OTOGL: variants seen among roughly 807,000 people sequenced by gnomAD.
The protein encoded by OTOGL is otogelin-like protein.
Under a neutral mutation model 318.5 loss-of-function variants are expected in OTOGL, and 285 were observed. The ratio of observed to expected loss-of-function variants is 0.89; its 90% confidence interval spans 0.81 to 0.99. The LOEUF (loss-of-function observed/expected upper bound fraction) is 0.99, where lower values mean the gene tolerates loss of function less well. OTOGL is among the 50% of genes least tolerant of loss of function. The pLI, the probability that OTOGL is intolerant of heterozygous loss-of-function variation, is 0.00. For missense variants in OTOGL, 2,899 were observed against 2,845.6 expected (o/e 1.02, Z -0.43); for synonymous variants, 987 against 936.5 (o/e 1.05, Z -0.99).
intron 1 of OTOGL, among the ~76,000 whole-genome samples, chr12:80,135,788 G>A (rs1484154075): frequency 1.3e-5 from 2 of 152,202 alleles, no homozygotes; most frequent in African/African-American, 4.8e-5. Context: ...GTAAACTTAA[G>A]TAAAGCAGAT....
chr12:80,373,456 CAAACAAACAAACAAACTG>C (rs1891004704), intron 57 of OTOGL, among the ~76,000 whole-genome samples: 1 of 150,832 alleles, frequency 6.6e-6, no homozygotes, highest in Non-Finnish European at 1.5e-5. Flanking sequence ...AACAAACAAA[CAAACAAACAAACAAACTG>C]TGGTATAGGG....
chr12:80,241,461 TTG>T (rs1880371995), intron 11 of OTOGL, among the ~76,000 whole-genome samples: 1 of 151,740 alleles, frequency 6.6e-6, no homozygotes. Context: ...CTCTTTGTTG[TTG>T]TTTTTTTTCT....
At chr12:80,221,396 C>T (rs1380545335) in intron 6 of OTOGL, among the ~76,000 whole-genome samples, 7 of 151,812 alleles carry the variant, frequency 4.6e-5, no homozygotes, top group African/African-American at 1.7e-4. Context: ...TCCTGGGTAG[C>T]TGGGATTACA....
chr12:80,262,974 G>A (rs1047826401), intron 19 of OTOGL, among the ~76,000 whole-genome samples: 5 of 152,192 alleles, frequency 3.3e-5, no homozygotes, highest in Admixed American at 1.3e-4. Context: ...CGGATCATGC[G>A]GTGGTTGTTG....
At chr12:80,209,561 CTT>C (rs1877082127) in intron 2 of OTOGL, 51 bp downstream of exon 2, 1 of 1,255,240 alleles carries the variant, frequency 8.0e-7, no homozygotes, top group Non-Finnish European at 1.1e-6. Flanking sequence ...TTTTGTTTCT[CTT>C]ACAATTTATA....
At chr12:80,211,920 C>A in intron 3 of OTOGL, 29 bp from the exon 4 acceptor site, 3 of 1,539,290 alleles carry the variant, frequency 1.9e-6, no homozygotes, top group South Asian at 2.4e-5. Context: ...GGGCCTTTGA[C>A]TGTACAAGTT....
chr12:80,226,035 A>G (rs76298728), intron 7 of OTOGL, among the ~76,000 whole-genome samples: 309 of 152,226 alleles, frequency 2.0e-3, no homozygotes, highest in African/African-American at 7.1e-3. Flanking sequence ...TACTTCAACT[A>G]ATTTAGCTGT....
intron 32 of OTOGL, among the ~76,000 whole-genome samples, chr12:80,315,117 C>A (rs1479545832): frequency 6.6e-6 from 1 of 152,024 alleles, no homozygotes; most frequent in Non-Finnish European, 1.5e-5. Flanking sequence ...TCAAAGGGCA[C>A]AAAGTTTCAG....
rs1883296925 is a variant in OTOGL, at chr12:80,270,114, T to A, written c.2478T>A (p.Asn826Lys). The A allele has an allele frequency of 6.2e-7, 1 of 1,602,724 alleles. No homozygotes were observed. The highest frequency in any genetic ancestry group is 1.3e-5 in the African/African-American group (1 of 74,606). Residue 826 changes from asparagine (N) to lysine (K), a missense_variant, in exon 23 of 59, where the codon AAT becomes AAA. Physicochemically the swap from Asn to Lys is moderately conservative, Grantham distance 94. This residue lies in a region of OTOGL where 2,607 missense variants were observed against 2,524.9 expected (regional missense o/e 1.03). Coordinates refer to ENST00000547103, the MANE Select transcript of OTOGL (RefSeq NM_001378609.3). ...PTPSGLCQCS[N>K]GTVKCDELAT... ...TATTTACTTCTAGCCAGTGTTCAAA[T>A]GGGACTGTGAAATGTGATGAATTAG...
chr12:80,162,049 C>T (rs1408962169), intron 1 of OTOGL, among the ~76,000 whole-genome samples: 2 of 152,104 alleles, frequency 1.3e-5, no homozygotes, highest in African/African-American at 2.4e-5. Context: ...ACATATGCCA[C>T]AGTTCCAGAA....
At chr12:80,352,048 A>G (rs1251944045) in intron 44 of OTOGL, among the ~76,000 whole-genome samples, 3 of 152,224 alleles carry the variant, frequency 2.0e-5, no homozygotes, top group Non-Finnish European at 4.4e-5. Context: ...TTGGCTCCAC[A>G]TACTCTGTTT....
At chr12:80,133,975 CAAAATT>C (rs749304436) in intron 1 of OTOGL, among the ~76,000 whole-genome samples, 29 of 151,596 alleles carry the variant, frequency 1.9e-4, no homozygotes, top group Non-Finnish European at 4.3e-4. Flanking sequence ...CCCAAACAAA[CAAAATT>C]AAAAGCTAAA....
chr12:80,264,885 C>G, intron 19 of OTOGL, 116 bp from the exon 20 acceptor site: 1 of 1,071,416 alleles, frequency 9.3e-7, no homozygotes, highest in Non-Finnish European at 1.4e-6. Flanking sequence ...AAATTGTTCA[C>G]TCTTGTATTA....
chr12:80,168,387 C>T (rs1351024277), intron 1 of OTOGL, among the ~76,000 whole-genome samples: 6 of 152,184 alleles, frequency 3.9e-5, no homozygotes, highest in Non-Finnish European at 7.4e-5. Flanking sequence ...AACAATTTGT[C>T]CACGTATAGT....
chr12:80,104,520 A>T (rs76907239), intron 1 of OTOGL, among the ~76,000 whole-genome samples: 4,278 of 152,202 alleles, frequency 0.028, 199 homozygotes, highest in African/African-American at 0.098. Flanking sequence ...AGTGCCAAGG[A>T]TACACTTAAT....
intron 44 of OTOGL, chr12:80,343,530 T>TC (rs1888962463): frequency 3.7e-5 from 5 of 135,804 alleles, no homozygotes; most frequent in African/African-American, 1.4e-4. Context: ...TTTTTTTTTT[T>TC]TTTTTTAACT....
intron 1 of OTOGL, among the ~76,000 whole-genome samples, chr12:80,182,811 G>C (rs1031724442): frequency 3.9e-5 from 6 of 152,310 alleles, no homozygotes; most frequent in Admixed American, 6.5e-5. Flanking sequence ...GGCTGAAGCA[G>C]ATATGTAGAT....
intron 27 of OTOGL, among the ~76,000 whole-genome samples, chr12:80,300,236 T>C (rs979909407): frequency 6.6e-6 from 1 of 151,682 alleles, no homozygotes; most frequent in Non-Finnish European, 1.5e-5. Flanking sequence ...TTTAATGCTA[T>C]GCTGACTCAA....
intron 34 of OTOGL, among the ~76,000 whole-genome samples, chr12:80,322,929 TC>T (rs1887431567): frequency 6.6e-6 from 1 of 152,230 alleles, no homozygotes; most frequent in African/African-American, 2.4e-5. Flanking sequence ...TTGGCAAGTT[TC>T]TTGGCTGCTG....
Sources: allele counts gnomAD v4.1 joint callset (sites outside exome capture counted in the v4.1 genomes callset), GRCh38; gene constraint gnomAD v4.1.1; regional missense constraint gnomAD v4.1.1; transcripts MANE v1.5; gene names NCBI Gene and HGNC (gene_info 2026-07-23, HGNC 2026-07-21).